SLC39A11: variants seen among roughly 807,000 people sequenced by gnomAD.
SLC39A11 encodes the protein solute carrier family 39 member 11.
In SLC39A11, 33 loss-of-function variants were observed where a neutral mutation model predicts 36.1. The ratio of observed to expected loss-of-function variants is 0.91; its 90% CI spans 0.69 to 1.22. SLC39A11 has a LOEUF of 1.22. SLC39A11 is among the 50% of genes most tolerant of loss of function. SLC39A11 has a pLI of 0.00. For synonymous variants in SLC39A11, 166 were observed against 170.3 expected, an observed-to-expected ratio of 0.97 and a Z score of 0.20; for missense variants, 432 against 430.3, an observed-to-expected ratio of 1.00 and a Z score of -0.03.
At chr17:72,780,528 G>GA (rs1186235661) in intron 6 of SLC39A11, among the ~76,000 whole-genome samples, 2 of 104,160 alleles carry the variant, frequency 1.9e-5, no homozygotes, top group Non-Finnish European at 3.6e-5. Context: ...GATGGGGGGC[G>GA]GGTGGGGGCA....
chr17:72,819,124 T>C (rs2077683654), intron 6 of SLC39A11, among the ~76,000 whole-genome samples: 2 of 140,778 alleles, frequency 1.4e-5, no homozygotes, highest in African/African-American at 4.9e-5. Flanking sequence ...TGAACTTATT[T>C]GGAAATTGTG....
chr17:72,849,857 G>A (rs2079224464), intron 5 of SLC39A11, 53 bp from the exon 6 acceptor site: 5 of 1,457,032 alleles, frequency 3.4e-6, no homozygotes, highest in Non-Finnish European at 4.5e-6. Flanking sequence ...CTTTGAACAT[G>A]TGCACGTTAA....
chr17:72,937,704 T>TGTCTCCTG (rs2084859657), intron 5 of SLC39A11, among the ~76,000 whole-genome samples: 1 of 152,174 alleles, frequency 6.6e-6, no homozygotes, highest in South Asian at 2.1e-4. Flanking sequence ...TGAAGGCACG[T>TGTCTCCTG]GTCTCCTGGT....
At chr17:73,055,610 T>C (rs2059639153) in intron 3 of SLC39A11, among the ~76,000 whole-genome samples, 1 of 150,560 alleles carries the variant, frequency 6.6e-6, no homozygotes, top group Non-Finnish European at 1.5e-5. Flanking sequence ...TTTGTGTATG[T>C]AGAAATGAGG....
At chr17:72,983,814 G>A (rs1464428073) in intron 4 of SLC39A11, among the ~76,000 whole-genome samples, 1 of 152,210 alleles carries the variant, frequency 6.6e-6, no homozygotes, top group Non-Finnish European at 1.5e-5. Context: ...GAAGTCGGAA[G>A]AAAAGAGGGG....
At chr17:72,761,656 TACA>T (rs2075581595) in intron 6 of SLC39A11, among the ~76,000 whole-genome samples, 1 of 152,222 alleles carries the variant, frequency 6.6e-6, no homozygotes, top group African/African-American at 2.4e-5. Context: ...ACCTGGGTCA[TACA>T]ACGTTTTGAA....
At chr17:72,719,974 C>T (rs1232485997) in intron 7 of SLC39A11, among the ~76,000 whole-genome samples, 1 of 152,130 alleles carries the variant, frequency 6.6e-6, no homozygotes, top group African/African-American at 2.4e-5. Flanking sequence ...GGAAGGGGCC[C>T]CCAAATGAGT....
rs372102907 is a variant in SLC39A11 at position 72,915,746 on chromosome 17, C to T, written c.430+32006G>A. Reference sequence around the variant, plus strand: ...CAAACCAGGGGCCCAGATGGTCCCACGCCTCGTCAGCCTGGAGCAGCTCAC... The same window carrying T: ...CAAACCAGGGGCCCAGATGGTCCCATGCCTCGTCAGCCTGGAGCAGCTCAC... On this transcript the variant is annotated intron_variant, in intron 5 of 9. Coordinates refer to ENST00000255559, the MANE Select transcript of SLC39A11 (RefSeq NM_139177.4). Among the ~76,000 whole-genome samples the T allele has an allele frequency of 2.6e-5, 4 of 152,240 alleles. No individual in the cohort carries two copies. The South Asian group carries it at 8.3e-4, about 32-fold the overall frequency.
At chr17:72,781,162 A>G (rs544817945) in intron 6 of SLC39A11, among the ~76,000 whole-genome samples, 6 of 152,200 alleles carry the variant, frequency 3.9e-5, no homozygotes, top group African/African-American at 1.2e-4. Context: ...ATAAAGTCAT[A>G]TTTATAAGTT....
chr17:72,709,677 G>A (rs1188852406), intron 7 of SLC39A11, among the ~76,000 whole-genome samples: 1 of 152,162 alleles, frequency 6.6e-6, no homozygotes, highest in Admixed American at 6.5e-5. Context: ...AACTTTCCAG[G>A]TTCAATTTCA....
At chr17:72,774,377 G>C (rs1292719793) in intron 6 of SLC39A11, among the ~76,000 whole-genome samples, 1 of 152,192 alleles carries the variant, frequency 6.6e-6, no homozygotes. Context: ...TGCCTCCCTA[G>C]AAGGGTTTGG....
intron 4 of SLC39A11, among the ~76,000 whole-genome samples, chr17:72,991,069 A>G (rs2089141305): frequency 6.6e-6 from 1 of 152,240 alleles, no homozygotes; most frequent in Non-Finnish European, 1.5e-5. Flanking sequence ...CCAACGATCT[A>G]GATTTAATAA....
intron 7 of SLC39A11, among the ~76,000 whole-genome samples, chr17:72,657,558 T>C (rs1425130818): frequency 6.6e-6 from 1 of 152,164 alleles, no homozygotes; most frequent in Non-Finnish European, 1.5e-5. Flanking sequence ...CAGAATTCCC[T>C]GAATACAGTG....
At chr17:72,732,603 G>T (rs1347833714) in intron 7 of SLC39A11, among the ~76,000 whole-genome samples, 3 of 152,152 alleles carry the variant, frequency 2.0e-5, no homozygotes, top group Non-Finnish European at 2.9e-5. Context: ...CTAGTTTTGT[G>T]AGTGCTATCT....
At chr17:72,663,994 G>A (rs1032264137) in intron 7 of SLC39A11, 2 of 155,138 alleles carry the variant, frequency 1.3e-5, no homozygotes, top group African/African-American at 4.8e-5. Flanking sequence ...TCCTCTATTG[G>A]GGATGGTCGT....
At chr17:72,875,548 G>C (rs1171742878) in intron 5 of SLC39A11, among the ~76,000 whole-genome samples, 1 of 152,162 alleles carries the variant, frequency 6.6e-6, no homozygotes, top group Non-Finnish European at 1.5e-5. Flanking sequence ...CCAACAATCT[G>C]TCCACCCTTC....
intron 6 of SLC39A11, among the ~76,000 whole-genome samples, chr17:72,765,007 G>C (rs954666646): frequency 5.3e-5 from 8 of 152,180 alleles, no homozygotes; most frequent in Non-Finnish European, 1.2e-4. Context: ...AACTTTGGGA[G>C]CTAGTTTATA....
chr17:72,656,255 A>T (rs956183568), intron 7 of SLC39A11, among the ~76,000 whole-genome samples: 27 of 152,180 alleles, frequency 1.8e-4, no homozygotes, highest in African/African-American at 6.5e-4. Context: ...CAGCAGTAGC[A>T]CAAAGACACT....
intron 3 of SLC39A11, among the ~76,000 whole-genome samples, chr17:73,078,240 G>GAA (rs373935167): frequency 0.21 from 24,125 of 114,330 alleles, 2,290 homozygotes; most frequent in Middle Eastern, 0.4. Context: ...TCCGTCTCAG[G>GAA]AAAAAAAAAA....
Sources: gnomAD v4.1 joint callset for allele counts (sites outside exome capture counted in the v4.1 genomes callset) on GRCh38, gnomAD v4.1.1 for gene constraint, MANE v1.5 for transcripts, NCBI Gene and HGNC (gene_info 2026-07-23, HGNC 2026-07-21) for gene names.